The following NRCAM variants were observed in gnomAD, a reference collection of about 807,000 sequenced individuals.
The protein encoded by NRCAM is NgCAM-related cell adhesion molecule.
A neutral mutation model predicts 156.5 loss-of-function variants in NRCAM; 83 were observed. The ratio of observed to expected loss-of-function variants is 0.53; its 90% CI spans 0.44 to 0.64. The LOEUF (loss-of-function observed/expected upper bound fraction) is 0.64, where lower values mean the gene tolerates loss of function less well. NRCAM is among the 30% of genes least tolerant of loss of function. The pLI is 0.00. For missense variants in NRCAM, 1,417 were observed against 1,597.3 expected, an observed-to-expected ratio of 0.89 and a Z score of 1.92; for synonymous variants, 538 against 563.9, an observed-to-expected ratio of 0.95 and a Z score of 0.65.
chr7:108,347,043 T>G (rs1291261962), intron 2 of NRCAM, among the ~76,000 whole-genome samples: 1 of 137,830 alleles, frequency 7.3e-6, no homozygotes, highest in African/African-American at 2.7e-5. Context: ...TTTTTTTTTT[T>G]TTTTTTTTTT....
At chr7:108,427,800 C>G (rs576851721) in intron 1 of NRCAM, among the ~76,000 whole-genome samples, 4 of 152,136 alleles carry the variant, frequency 2.6e-5, no homozygotes, top group Non-Finnish European at 5.9e-5. Flanking sequence ...AAGTAAACAG[C>G]AAATCCAAGA....
At chr7:108,176,094 A>G (rs1463027007) in intron 27 of NRCAM, among the ~76,000 whole-genome samples, 1 of 152,170 alleles carries the variant, frequency 6.6e-6, no homozygotes, top group African/African-American at 2.4e-5. Context: ...ATGTGTACAT[A>G]TGTATGTTTG....
At chr7:108,368,152 A>G (rs1223127301) in intron 2 of NRCAM, among the ~76,000 whole-genome samples, 1 of 151,336 alleles carries the variant, frequency 6.6e-6, no homozygotes, top group Non-Finnish European at 1.5e-5. Context: ...TGTTCTGCCT[A>G]GATCCCACTG....
chr7:108,370,425 C>A (rs2099621083), intron 2 of NRCAM, among the ~76,000 whole-genome samples: 1 of 152,024 alleles, frequency 6.6e-6, no homozygotes, highest in South Asian at 2.1e-4. Context: ...AAAGACTGGT[C>A]TCACTGTAAA....
At chr7:108,374,368 A>C (rs750341915) in intron 2 of NRCAM, among the ~76,000 whole-genome samples, 6 of 151,754 alleles carry the variant, frequency 4.0e-5, no homozygotes, top group Admixed American at 6.6e-5. Context: ...GGTATAGTGT[A>C]TCATTTCAAT....
chr7:108,228,125 C>A (rs910015799), intron 8 of NRCAM, among the ~76,000 whole-genome samples: 4 of 152,126 alleles, frequency 2.6e-5, no homozygotes, highest in African/African-American at 9.7e-5. Context: ...AGTTCAAGAC[C>A]AGTCTGGCCA....
rs186807639 is a variant in NRCAM, at chr7:108,225,836, A to G, written c.722-135T>C. On this transcript the variant is annotated intron_variant, in intron 9 of 32. Coordinates refer to ENST00000379028, the MANE Select transcript of NRCAM (RefSeq NM_001037132.4). ...CTATCAAGTAAAAACAGTGCTTTAC[A>G]TTGTACATGACTAACTCATTAATTT... 4.1e-4 allele frequency: 293 copies of G among 720,034 alleles called. 3 individuals carry two copies. The highest frequency in any genetic ancestry group is 7.1e-4 in the Middle Eastern group (3 of 4,196). The allele number at this position is 720,034 out of a possible 1,614,324, so 44.6% of individuals were successfully genotyped here.
Position 108,149,717 on chromosome 7 carries a change from T to C in NRCAM, c.*193A>G, listed in dbSNP as rs1041518538. ...AATACCCATTTTGAATGAAAAAGTATGCACTTTGCATTCCAGTTCATATTA... is the reference window on the plus strand; with the variant it reads ...AATACCCATTTTGAATGAAAAAGTACGCACTTTGCATTCCAGTTCATATTA... On this transcript the variant is annotated 3_prime_UTR_variant, in exon 33 of 33. Transcript: ENST00000379028. 7 of 578,348 alleles carry C rather than the reference T, an allele frequency of 1.2e-5. No individual in the cohort carries two copies. Among genetic ancestry groups the C allele is most frequent in the African/African-American group, 1.9e-5 (1 of 53,360 alleles). 35.8% of individuals were successfully genotyped at this position (578,348 alleles called of 1,614,324 possible). A position where few individuals can be genotyped will look rare whatever the true frequency, so the allele number is the denominator to read the frequency against.
At chr7:108,212,866 A>T (rs914390417) in intron 11 of NRCAM, among the ~76,000 whole-genome samples, 2 of 152,158 alleles carry the variant, frequency 1.3e-5, no homozygotes, top group African/African-American at 2.4e-5. Context: ...CTTGCTAGGG[A>T]CCTAGACATT....
chr7:108,209,312 T>G, intron 12 of NRCAM, 109 bp downstream of exon 12: 1 of 734,934 alleles, frequency 1.4e-6, no homozygotes, highest in Non-Finnish European at 2.2e-6. Context: ...ACCATGAATG[T>G]TGACATAACT....
At chr7:108,257,086 GGAAA>G (rs2096710341) in intron 3 of NRCAM, among the ~76,000 whole-genome samples, 1 of 147,354 alleles carries the variant, frequency 6.8e-6, no homozygotes, top group African/African-American at 2.5e-5. Flanking sequence ...AAGGAAGGAA[GGAAA>G]GAAGGAAGGA....
intron 3 of NRCAM, among the ~76,000 whole-genome samples, chr7:108,282,995 A>G (rs1458010291): frequency 2.0e-5 from 3 of 152,240 alleles, no homozygotes; most frequent in African/African-American, 7.2e-5. Context: ...TGATTCTAAT[A>G]TGCAGCCTAC....
chr7:108,402,750 G>T (rs1373603026), intron 1 of NRCAM, among the ~76,000 whole-genome samples: 3 of 152,320 alleles, frequency 2.0e-5, no homozygotes, highest in East Asian at 1.9e-4. Flanking sequence ...ATAAGCTATT[G>T]TTTTGGTAGA....
At chr7:108,364,870 T>C (rs978359043) in intron 2 of NRCAM, among the ~76,000 whole-genome samples, 2 of 152,250 alleles carry the variant, frequency 1.3e-5, no homozygotes, top group Admixed American at 6.5e-5. Context: ...TATGGGAACA[T>C]AGCTTCTTTT....
intron 2 of NRCAM, among the ~76,000 whole-genome samples, chr7:108,333,289 C>T (rs2099145930): frequency 6.6e-6 from 1 of 152,084 alleles, no homozygotes; most frequent in Admixed American, 6.6e-5. Context: ...CGCACACACA[C>T]GTGCACCCTT....
At chr7:108,452,580 G>C (rs948182086) in intron 1 of NRCAM, among the ~76,000 whole-genome samples, 2 of 152,148 alleles carry the variant, frequency 1.3e-5, no homozygotes, top group African/African-American at 4.8e-5. Flanking sequence ...TCCTGGAAGG[G>C]ATGCTTCAGG....
chr7:108,420,058 G>GTGTGTC (rs1554628695), intron 1 of NRCAM, among the ~76,000 whole-genome samples: 16 of 151,758 alleles, frequency 1.1e-4, no homozygotes, highest in African/African-American at 3.9e-4. Context: ...GTGTGTGTGT[G>GTGTGTC]TGTGTGTGTG....
chr7:108,229,627 T>C (rs140144164), intron 8 of NRCAM, among the ~76,000 whole-genome samples: 1 of 152,176 alleles, frequency 6.6e-6, no homozygotes, highest in Non-Finnish European at 1.5e-5. Context: ...CCCAGGCCTC[T>C]AGGCAGGACT....
At chr7:108,234,465 A>C (rs2094690986) in intron 6 of NRCAM, 118 bp downstream of exon 6, 6 of 664,110 alleles carry the variant, frequency 9.0e-6, no homozygotes, top group Non-Finnish European at 1.6e-5. Context: ...TCCAACTGAA[A>C]AAGGAAGTGC....
Sources: allele counts gnomAD v4.1 joint callset (sites outside exome capture counted in the v4.1 genomes callset), GRCh38; gene constraint gnomAD v4.1.1; transcripts MANE v1.5; gene names NCBI Gene and HGNC (gene_info 2026-07-23, HGNC 2026-07-21).